SOBP: variants seen among roughly 807,000 people sequenced by gnomAD.
The protein encoded by SOBP is sine oculis binding protein homolog, also known as sine oculis-binding protein homolog.
A neutral mutation model predicts 53.6 loss-of-function variants in SOBP; 4 were observed. That is an observed-to-expected ratio of 0.07 (90% CI 0.04 to 0.17). The LOEUF (loss-of-function observed/expected upper bound fraction) is 0.17. SOBP is among the 10% of genes least tolerant of loss of function. The probability of loss-of-function intolerance (pLI) is 1.00; values close to 1 mark genes in which losing one functional copy is unlikely to be tolerated. For missense variants in SOBP, 1,088 were observed against 1,204.7 expected (o/e 0.90, Z 1.43); for synonymous variants, 584 against 522.6 (o/e 1.12, Z -1.60).
Position 107,634,845 on chromosome 6 carries a change from G to T in SOBP, c.2001G>T (p.Val667=). The T allele has an allele frequency of 7.1e-7, 1 of 1,401,260 alleles. No individual in the cohort carries two copies. Among genetic ancestry groups the T allele is most frequent in the South Asian group, 1.4e-5 (1 of 71,026 alleles). 86.8% of individuals were successfully genotyped at this position (1,401,260 alleles called of 1,614,324 possible). The change falls in exon 6 of 7, where the codon GTG becomes GTT. Residue 667 remains valine, a synonymous_variant. Transcript: ENST00000317357. The surrounding 1 kb of genome is among the most constrained non-coding windows in gnomAD (Gnocchi z 4.5). ...GCCACCGAGCCCGGCTGCACAACGT[G>T]ATCCACCGCGCGCTGCACGCGCACG... ...TVGHRARLHN[V]IHRALHAHVK...
intron 4 of SOBP, among the ~76,000 whole-genome samples, chr6:107,546,608 G>C (rs1252158335): frequency 1.3e-5 from 2 of 152,130 alleles, no homozygotes; most frequent in African/African-American, 4.8e-5. Context: ...ATTTGAAATG[G>C]GTGAGTGTCC....
intron 4 of SOBP, among the ~76,000 whole-genome samples, chr6:107,545,525 A>G (rs1409643447): frequency 6.6e-6 from 1 of 152,204 alleles, no homozygotes; most frequent in Non-Finnish European, 1.5e-5. Context: ...TTTAGTACCT[A>G]AAGTCATGAT....
At chr6:107,592,192 A>G (rs1257726139) in intron 5 of SOBP, among the ~76,000 whole-genome samples, 3 of 152,126 alleles carry the variant, frequency 2.0e-5, no homozygotes, top group Non-Finnish European at 4.4e-5. Flanking sequence ...AAAGTGAAAG[A>G]CACATCACAG....
At chr6:107,503,269 G>T (rs1782890656) in intron 1 of SOBP, among the ~76,000 whole-genome samples, 1 of 152,080 alleles carries the variant, frequency 6.6e-6, no homozygotes, top group Admixed American at 6.5e-5. Flanking sequence ...AACCACAAAA[G>T]GTTGTTTTCA....
At chr6:107,516,894 A>T (rs1783336651) in intron 3 of SOBP, among the ~76,000 whole-genome samples, 1 of 152,192 alleles carries the variant, frequency 6.6e-6, no homozygotes, top group South Asian at 2.1e-4. Context: ...GGGACATACC[A>T]TGTTTATAGA....
At chr6:107,503,554 G>A in intron 1 of SOBP, 103 bp from the exon 2 acceptor site, 1 of 1,271,998 alleles carries the variant, frequency 7.9e-7, no homozygotes, top group Non-Finnish European at 1.1e-6. Context: ...AGTGAGGCAG[G>A]GCTGCAAATA....
Position 107,490,518 on chromosome 6 carries a change from G to T in SOBP, c.-99G>T. ...CAGCACCGCTACCTCCGCCAGCCTC[G>T]CCACCATCAGCACCACCTCCACCGC... On this transcript the variant is annotated 5_prime_UTR_variant, in exon 1 of 7. Coordinates refer to ENST00000317357, the MANE Select transcript of SOBP (RefSeq NM_018013.4). 1 of 828,046 alleles carries T rather than the reference G, an allele frequency of 1.2e-6. No homozygotes were observed. The highest frequency in any genetic ancestry group is 2.0e-6 in the Non-Finnish European group (1 of 501,118). The allele number at this position is 828,046 out of a possible 1,614,324, so 51.3% of individuals were successfully genotyped here. A position where few individuals can be genotyped will look rare whatever the true frequency, so the allele number is the denominator to read the frequency against.
At chr6:107,501,006 C>T (rs1440955281) in intron 1 of SOBP, among the ~76,000 whole-genome samples, 1 of 151,950 alleles carries the variant, frequency 6.6e-6, no homozygotes, top group Non-Finnish European at 1.5e-5. Context: ...TTTTATAAAT[C>T]TTTGTTTTCT....
At chr6:107,533,165 C>CTTT (rs755278856) in intron 3 of SOBP, among the ~76,000 whole-genome samples, 1 of 109,464 alleles carries the variant, frequency 9.1e-6, no homozygotes, top group African/African-American at 3.4e-5. Context: ...GCAGATGAAG[C>CTTT]TTTTTTTTTT....
Position 107,490,567 on chromosome 6 carries a change from C to T in SOBP, c.-50C>T, listed in dbSNP as rs771129039. On this transcript the variant is annotated 5_prime_UTR_variant, in exon 1 of 7. Transcript: ENST00000317357. ...GCCGCCGCCGCCGCCACCACCACCG[C>T]CGGCGGCGGCAGCAGCCATTTCATC... The T allele has an allele frequency of 1.4e-6, 2 of 1,400,408 alleles. No homozygotes were observed. The highest frequency in any genetic ancestry group is 3.9e-5 in the Admixed American group (2 of 51,244). The allele number at this position is 1,400,408 out of a possible 1,614,324, so 86.7% of individuals were successfully genotyped here.
rs541538862 is a variant in SOBP at position 107,523,836 on chromosome 6, C to T, written c.422-9623C>T. On this transcript the variant is annotated intron_variant, in intron 3 of 6. Transcript: ENST00000317357. ...CCAGGCTTGTCCTTGGCCATTTTCT[C>T]CTGCACATTGGCCTTTTACACTAGG... Among the ~76,000 whole-genome samples the T allele has an allele frequency of 2.0e-5, 3 of 152,362 alleles. No individual in the cohort carries two copies. The East Asian group carries it at 5.8e-4, about 29-fold the overall frequency.
chr6:107,522,331 A>G (rs1455793586), intron 3 of SOBP, among the ~76,000 whole-genome samples: 1 of 151,942 alleles, frequency 6.6e-6, no homozygotes, highest in Admixed American at 6.6e-5. Context: ...TTTCAGAAGA[A>G]TTTTCTAGAT....
chr6:107,582,553 CA>C (rs35473947), intron 4 of SOBP, among the ~76,000 whole-genome samples: 4,381 of 113,556 alleles, frequency 0.039, 101 homozygotes, highest in African/African-American at 0.098. Context: ...TCTGTTATGG[CA>C]AAAAAAAAAA....
intron 5 of SOBP, among the ~76,000 whole-genome samples, chr6:107,624,896 A>G (rs1583284846): frequency 6.6e-6 from 1 of 152,316 alleles, no homozygotes; most frequent in East Asian, 1.9e-4. Flanking sequence ...GTTATTGTCA[A>G]ATATTAGTCA....
chr6:107,585,623 C>T (rs1785541746), intron 4 of SOBP, among the ~76,000 whole-genome samples: 1 of 152,220 alleles, frequency 6.6e-6, no homozygotes, highest in African/African-American at 2.4e-5. Context: ...TAAAAAGGCA[C>T]CAAGCATGAG....
rs754116689 is a variant in SOBP at position 107,635,072 on chromosome 6, A to G, written c.2228A>G (p.Glu743Gly). 1.9e-6 allele frequency: 3 copies of G among 1,559,972 alleles called. No homozygotes were observed. Among genetic ancestry groups the G allele is most frequent in the South Asian group, 1.2e-5 (1 of 85,888 alleles). The change falls in exon 6 of 7, where the codon GAG (glutamate) becomes GGG (glycine). Residue 743 changes from glutamate to glycine, a missense_variant. Physicochemically the swap from Glu to Gly is moderately conservative, Grantham distance 98. Coordinates refer to ENST00000317357, the MANE Select transcript of SOBP (RefSeq NM_018013.4). This position sits in a 1 kb window ranked among gnomAD's most constrained non-coding sequence, Gnocchi z 4.5. ...GCTAAGAGCGCGGAGCCGCCTCCCG[A>G]GCAGCCGCCGCCGCCGCCGCCGCCC... is the stretch of plus-strand genomic sequence containing the variant. ...EGAKSAEPPPEQPPPPPPPAP... is the reference protein window; with the variant it reads ...EGAKSAEPPPGQPPPPPPPAP...
chr6:107,588,849 C>T (rs963542628), intron 5 of SOBP, among the ~76,000 whole-genome samples: 3 of 152,282 alleles, frequency 2.0e-5, no homozygotes, highest in Middle Eastern at 3.4e-3. Flanking sequence ...GTACAATCTT[C>T]GTCCTTCCAG....
In SOBP at chr6:107,533,584, C is replaced by A. The variant is rs776947082; in HGVS notation, c.547C>A (p.Arg183=). 6 of 1,614,056 alleles carry A rather than the reference C, an allele frequency of 3.7e-6. No individual in the cohort carries two copies. In the South Asian group the frequency reaches 6.6e-5, roughly 18 times the overall value. Residue 183 remains arginine, a synonymous_variant, in exon 4 of 7, where the codon CGA becomes AGA. Coordinates refer to ENST00000317357, the MANE Select transcript of SOBP (RefSeq NM_018013.4). ...FCSEKCFAAC[R]RAYFKRNKAR... ...CAGCGAGAAGTGCTTTGCGGCCTGC[C>A]GACGAGCCTACTTCAAGAGAAATAA...
At chr6:107,534,876 G>A (rs1783946969) in intron 4 of SOBP, among the ~76,000 whole-genome samples, 1 of 152,178 alleles carries the variant, frequency 6.6e-6, no homozygotes, top group Admixed American at 6.5e-5. Flanking sequence ...ATGATGCACG[G>A]GAGACACGTT....
Sources: gnomAD v4.1 joint callset for allele counts (sites outside exome capture counted in the v4.1 genomes callset) on GRCh38, gnomAD v4.1.1 for gene constraint, Gnocchi (gnomAD v3.1) non-coding constraint, MANE v1.5 for transcripts, NCBI Gene and HGNC (gene_info 2026-07-23, HGNC 2026-07-21) for gene names.